Variants in SDK1 observed in about 807,000 individuals in gnomAD.
SDK1 encodes sidekick cell adhesion molecule 1.
In SDK1, 157 loss-of-function variants were observed where a neutral mutation model predicts 245.5. That is an observed-to-expected ratio of 0.64 (90% CI 0.56 to 0.73). SDK1 has a LOEUF of 0.73. Among genes scored for constraint, SDK1 ranks in the 30% least tolerant of loss-of-function variants. The pLI is 0.00. For synonymous variants in SDK1, 1,647 were observed against 1,278.5 expected (o/e 1.29, Z -6.15); for missense variants, 3,583 against 3,002.3 (o/e 1.19, Z -4.52).
chr7:4,113,739 G>A (rs1162741400), intron 24 of SDK1, among the ~76,000 whole-genome samples: 5 of 152,140 alleles, frequency 3.3e-5, no homozygotes, highest in African/African-American at 1.2e-4. Context: ...GGTCAACATG[G>A]AACCAATACT....
chr7:3,969,169 A>C, intron 10 of SDK1, 88 bp from the exon 11 acceptor site: 1 of 1,243,416 alleles, frequency 8.0e-7, no homozygotes, highest in Non-Finnish European at 1.1e-6. Flanking sequence ...GAGCCGAACC[A>C]TATTACTTGC....
At chr7:3,734,844 A>G (rs535570868) in intron 4 of SDK1, among the ~76,000 whole-genome samples, 1 of 152,112 alleles carries the variant, frequency 6.6e-6, no homozygotes, top group East Asian at 1.9e-4. Flanking sequence ...TTCTTTGGCA[A>G]TTTTTTTCAT....
intron 5 of SDK1, among the ~76,000 whole-genome samples, chr7:3,949,331 C>T (rs779087281): frequency 1.3e-5 from 2 of 152,210 alleles, no homozygotes; most frequent in South Asian, 2.1e-4. Context: ...TTCACATGCA[C>T]GTTTAATACA....
At chr7:3,565,522 G>T (rs763789287) in intron 1 of SDK1, among the ~76,000 whole-genome samples, 4 of 152,092 alleles carry the variant, frequency 2.6e-5, no homozygotes, top group Non-Finnish European at 5.9e-5. Context: ...TAGAAAGTAT[G>T]GTCATCTTAA....
intron 13 of SDK1, among the ~76,000 whole-genome samples, chr7:3,975,340 G>A (rs1782833762): frequency 6.6e-6 from 1 of 152,168 alleles, no homozygotes; most frequent in South Asian, 2.1e-4. Flanking sequence ...CAGCTCCAGG[G>A]ACACACCCAG....
intron 1 of SDK1, among the ~76,000 whole-genome samples, chr7:3,598,853 C>CAGTA (rs1279310738): frequency 7.1e-6 from 1 of 141,772 alleles, no homozygotes; most frequent in African/African-American, 2.7e-5. Flanking sequence ...GTTTGTATAC[C>CAGTA]ATTCACCTTT....
chr7:4,234,375 C>T (rs1786011872), intron 41 of SDK1, among the ~76,000 whole-genome samples: 1 of 152,160 alleles, frequency 6.6e-6, no homozygotes, highest in African/African-American at 2.4e-5. Flanking sequence ...TCCCCGAGAG[C>T]ACCCGTGTTA....
chr7:3,349,292 G>A (rs1463962416), intron 1 of SDK1, among the ~76,000 whole-genome samples: 1 of 152,026 alleles, frequency 6.6e-6, no homozygotes, highest in African/African-American at 2.4e-5. Flanking sequence ...GAAGAGCAGG[G>A]TCTCACCCTT....
At chr7:3,484,917 C>G (rs796393397) in intron 1 of SDK1, among the ~76,000 whole-genome samples, 16 of 152,288 alleles carry the variant, frequency 1.1e-4, no homozygotes, top group African/African-American at 3.9e-4. Context: ...GAGCATTTAG[C>G]TTGATTCCAT....
At chr7:3,441,998 T>C (rs1295138073) in intron 1 of SDK1, among the ~76,000 whole-genome samples, 1 of 152,150 alleles carries the variant, frequency 6.6e-6, no homozygotes, top group East Asian at 1.9e-4. Context: ...AGAGCAGCTC[T>C]CCACAAGCAT....
At chr7:3,439,185 G>A (rs776600253) in intron 1 of SDK1, among the ~76,000 whole-genome samples, 2 of 152,082 alleles carry the variant, frequency 1.3e-5, no homozygotes, top group Non-Finnish European at 2.9e-5. Context: ...CATCTCAAAT[G>A]TGCAGTTCAT....
chr7:4,262,154 T>C (rs2128244270), intron 44 of SDK1, among the ~76,000 whole-genome samples: 1 of 146,060 alleles, frequency 6.8e-6, no homozygotes, highest in Admixed American at 6.9e-5. Context: ...TTCTCCTGCC[T>C]CAGCCTCCCA....
chr7:4,221,297 G>A lies in SDK1; in HGVS notation c.5760G>A (p.Leu1920=). The change falls in exon 40 of 45, where the codon CTG becomes CTA. Residue 1920 remains leucine (L), a synonymous_variant. Transcript: ENST00000404826. ...LVTKSASELT[L]QWTEGHSGDT... is the part of the protein sequence containing the mutation. The stretch of plus-strand genomic sequence containing the variant: ...CCAAGTCCGCCTCTGAACTGACGCT[G>A]CAGTGGACTGAGGGACACTCTGGCG... 1 of 1,613,874 alleles carries A rather than the reference G, an allele frequency of 6.2e-7. No individual in the cohort carries two copies. The highest frequency in any genetic ancestry group is 8.5e-7 in the Non-Finnish European group (1 of 1,179,994).
chr7:3,797,316 T>C (rs1583423329), intron 4 of SDK1, among the ~76,000 whole-genome samples: 2 of 152,266 alleles, frequency 1.3e-5, no homozygotes, highest in East Asian at 3.9e-4. Flanking sequence ...CATCTTTTCC[T>C]GTTTTCCCTT....
chr7:3,912,226 C>T (rs1468158143), intron 5 of SDK1, among the ~76,000 whole-genome samples: 2 of 152,152 alleles, frequency 1.3e-5, no homozygotes, highest in African/African-American at 2.4e-5. Context: ...CCAGTGGATC[C>T]ATTTCTAAAT....
intron 1 of SDK1, among the ~76,000 whole-genome samples, chr7:3,391,516 C>A (rs1357183865): frequency 1.3e-5 from 2 of 151,408 alleles, no homozygotes; most frequent in Non-Finnish European, 2.9e-5. Context: ...AAATTTCTTT[C>A]CACAAAGGAA....
At chr7:3,458,347 C>T (rs1303975782) in intron 1 of SDK1, among the ~76,000 whole-genome samples, 1 of 152,054 alleles carries the variant, frequency 6.6e-6, no homozygotes, top group Non-Finnish European at 1.5e-5. Flanking sequence ...GGATTTTTGT[C>T]TATCCTAAGT....
chr7:3,908,101 G>C (rs941001404), intron 5 of SDK1, among the ~76,000 whole-genome samples: 30 of 152,094 alleles, frequency 2.0e-4, no homozygotes, highest in Non-Finnish European at 3.4e-4. Context: ...TTGAGTGCCC[G>C]TAATGTGCTG....
chr7:3,321,778 C>CTTCTTCCT (rs1337962419), intron 1 of SDK1, among the ~76,000 whole-genome samples: 1 of 50,302 alleles, frequency 2.0e-5, no homozygotes, highest in Admixed American at 2.4e-4. Flanking sequence ...TTCCTTCCTT[C>CTTCTTCCT]TCCTTCCTTC....
Sources: allele counts gnomAD v4.1 joint callset (sites outside exome capture counted in the v4.1 genomes callset), GRCh38; gene constraint gnomAD v4.1.1; transcripts MANE v1.5; gene names NCBI Gene and HGNC (gene_info 2026-07-23, HGNC 2026-07-21).